The following E2F5 variants were observed in gnomAD, a reference collection of about 807,000 sequenced individuals.
The protein encoded by E2F5 is transcription factor E2F5.
E2F5 carries 23 observed loss-of-function variants against 39.1 expected under a neutral mutation model. The ratio of observed to expected loss-of-function variants is 0.59; its 90% confidence interval spans 0.42 to 0.83. The LOEUF (loss-of-function observed/expected upper bound fraction) is 0.83. Ranked by LOEUF, E2F5 falls within the 40% of genes least tolerant of loss-of-function variation. The pLI, the probability that E2F5 is intolerant of heterozygous loss-of-function variation, is 0.00. For synonymous variants in E2F5, 145 were observed against 157.8 expected (o/e 0.92, Z 0.61); for missense variants, 365 against 406.7 (o/e 0.90, Z 0.88).
rs1022948180 is a variant in E2F5, at chr8:85,177,332, C to T, written c.-89C>T. Reference sequence around the variant, plus strand: ...CCGCTCTCGGCGGGCGGGGAAGCGGCCGCAGCGGAGCCGACCCGGCAGGTG... The same window carrying T: ...CCGCTCTCGGCGGGCGGGGAAGCGGTCGCAGCGGAGCCGACCCGGCAGGTG... On this transcript the variant is annotated 5_prime_UTR_variant, in exon 1 of 8. Transcript: ENST00000416274. 85 of 960,266 alleles carry T rather than the reference C, an allele frequency of 8.9e-5. No individual in the cohort carries two copies. The highest frequency in any genetic ancestry group is 8.9e-5 in the Non-Finnish European group (72 of 807,136). 59.5% of individuals were successfully genotyped at this position (960,266 alleles called of 1,614,324 possible). A position where few individuals can be genotyped will look rare whatever the true frequency, so the allele number is the denominator to read the frequency against.
At chr8:85,180,414 C>T in intron 1 of E2F5, among the ~76,000 whole-genome samples, 1 of 150,872 alleles carries the variant, frequency 6.6e-6, no homozygotes, top group South Asian at 2.1e-4. Flanking sequence ...CACATTTTCT[C>T]TTGTATTCTT....
chr8:85,183,449 C>T (rs1411327937), intron 1 of E2F5, among the ~76,000 whole-genome samples: 2 of 152,030 alleles, frequency 1.3e-5, no homozygotes, highest in Non-Finnish European at 2.9e-5. Context: ...GTATGTATAC[C>T]CCTGTGTTCA....
chr8:85,209,065 C>G, intron 5 of E2F5, 77 bp from the exon 6 acceptor site: 1 of 1,436,828 alleles, frequency 7.0e-7, no homozygotes, highest in Non-Finnish European at 9.5e-7. Context: ...AATAGCTTTG[C>G]CTGTCTTATT....
At chr8:85,199,660 A>G (rs1812651779) in intron 1 of E2F5, among the ~76,000 whole-genome samples, 1 of 152,222 alleles carries the variant, frequency 6.6e-6, no homozygotes, top group Non-Finnish European at 1.5e-5. Context: ...AAAACAAGGT[A>G]AATCTGTATA....
intron 1 of E2F5, among the ~76,000 whole-genome samples, chr8:85,200,030 T>A (rs746707912): frequency 2.6e-5 from 4 of 152,110 alleles, no homozygotes; most frequent in Non-Finnish European, 4.4e-5. Flanking sequence ...GTGGATCATC[T>A]GGGGTCAGGA....
At chr8:85,181,586 A>G (rs1173534136) in intron 1 of E2F5, among the ~76,000 whole-genome samples, 1 of 136,002 alleles carries the variant, frequency 7.4e-6, no homozygotes, top group Non-Finnish European at 1.6e-5. Flanking sequence ...TGATCCTCCC[A>G]CCTCGGCCTC....
Position 85,206,255 on chromosome 8 carries a change from T to C in E2F5, c.550+35T>C, listed in dbSNP as rs1039341417. ...ATTAGACTTTTCCTTGCATTCTTCCTCTCAACCTATTTAGTGGAGGGTGAT... is the reference window on the plus strand; with the variant it reads ...ATTAGACTTTTCCTTGCATTCTTCCCCTCAACCTATTTAGTGGAGGGTGAT... On this transcript the variant is annotated intron_variant, in intron 4 of 7. Transcript: ENST00000416274. 3 of 1,593,366 alleles carry C rather than the reference T, an allele frequency of 1.9e-6. No individual in the cohort carries two copies. The African/African-American group carries it at 4.0e-5, about 21-fold the overall frequency.
At chr8:85,179,893 C>A (rs1283906528) in intron 1 of E2F5, among the ~76,000 whole-genome samples, 1 of 152,208 alleles carries the variant, frequency 6.6e-6, no homozygotes, top group Non-Finnish European at 1.5e-5. Flanking sequence ...ATCTCCTGAC[C>A]TTGTGATCCA....
At chr8:85,186,112 A>G (rs551636656) in intron 1 of E2F5, among the ~76,000 whole-genome samples, 1 of 152,308 alleles carries the variant, frequency 6.6e-6, no homozygotes, top group South Asian at 2.1e-4. Flanking sequence ...ACCAACCCAA[A>G]TATCCATCAA....
intron 1 of E2F5, among the ~76,000 whole-genome samples, chr8:85,180,029 CT>C (rs532627984): frequency 1.6e-4 from 21 of 133,406 alleles, no homozygotes; most frequent in African/African-American, 3.6e-4. Flanking sequence ...TCGTTAAAGC[CT>C]TTTTTTTTTG....
intron 1 of E2F5, among the ~76,000 whole-genome samples, chr8:85,188,974 AG>A (rs1281854230): frequency 2.6e-5 from 4 of 152,158 alleles, no homozygotes; most frequent in Non-Finnish European, 5.9e-5. Context: ...GCTCTTGTGA[AG>A]GTATGTTATA....
chr8:85,189,982 C>G (rs1812425533), intron 1 of E2F5, among the ~76,000 whole-genome samples: 2 of 152,036 alleles, frequency 1.3e-5, no homozygotes, highest in East Asian at 1.9e-4. Flanking sequence ...CTCCGGGACT[C>G]AAAAGCCAGA....
At chr8:85,195,914 C>T (rs2403083) in intron 1 of E2F5, among the ~76,000 whole-genome samples, 22 of 152,006 alleles carry the variant, frequency 1.4e-4, no homozygotes, top group Admixed American at 6.6e-5. Flanking sequence ...TATCAAATAT[C>T]TTTTTTTCAT....
At chr8:85,190,654 C>A (rs1202791999) in intron 1 of E2F5, among the ~76,000 whole-genome samples, 1 of 151,806 alleles carries the variant, frequency 6.6e-6, no homozygotes, top group South Asian at 2.1e-4. Flanking sequence ...AAGATGCCCA[C>A]CACCATGCCC....
At chr8:85,206,789 CAAGT>C (rs958730486) in intron 4 of E2F5, among the ~76,000 whole-genome samples, 2 of 151,994 alleles carry the variant, frequency 1.3e-5, no homozygotes, top group African/African-American at 4.8e-5. Context: ...AATTATAGCA[CAAGT>C]AAAATGAAAT....
intron 1 of E2F5, among the ~76,000 whole-genome samples, chr8:85,200,098 T>C (rs1179938498): frequency 6.6e-6 from 1 of 152,048 alleles, no homozygotes; most frequent in Non-Finnish European, 1.5e-5. Flanking sequence ...AATACAAAAA[T>C]TAGCCAGTCG....
At chr8:85,208,085 T>C (rs1386365080) in intron 5 of E2F5, among the ~76,000 whole-genome samples, 1 of 152,192 alleles carries the variant, frequency 6.6e-6, no homozygotes, top group Non-Finnish European at 1.5e-5. Context: ...TCTCAGCACT[T>C]TGGGAGGCCA....
chr8:85,181,204 A>G (rs1414105767), intron 1 of E2F5, among the ~76,000 whole-genome samples: 1 of 152,212 alleles, frequency 6.6e-6, no homozygotes, highest in Non-Finnish European at 1.5e-5. Flanking sequence ...AAAAAAGTAT[A>G]TCAAACTTCA....
intron 1 of E2F5, among the ~76,000 whole-genome samples, chr8:85,194,028 A>G (rs891846071): frequency 2.0e-5 from 3 of 152,082 alleles, no homozygotes; most frequent in Admixed American, 2.0e-4. Flanking sequence ...AACTTTTTCA[A>G]GAATGGTAAC....
Sources: allele counts gnomAD v4.1 joint callset (sites outside exome capture counted in the v4.1 genomes callset), GRCh38; gene constraint gnomAD v4.1.1; transcripts MANE v1.5; gene names NCBI Gene and HGNC (gene_info 2026-07-23, HGNC 2026-07-21).